The following ZBTB16 variants were observed in gnomAD, a reference collection of about 807,000 sequenced individuals.
ZBTB16 encodes zinc finger and BTB domain-containing protein 16.
ZBTB16 carries 8 observed loss-of-function variants against 56.8 expected under a neutral mutation model. That is an observed-to-expected ratio of 0.14 (90% confidence interval 0.08 to 0.25). ZBTB16 has a LOEUF of 0.25. Ranked by LOEUF, ZBTB16 falls within the 10% of genes least tolerant of loss-of-function variation. ZBTB16 has a pLI of 1.00. For missense variants in ZBTB16, 625 were observed against 903.0 expected, an observed-to-expected ratio of 0.69 and a Z score of 3.95; for synonymous variants, 363 against 368.5, an observed-to-expected ratio of 0.98 and a Z score of 0.17.
intron 4 of ZBTB16, among the ~76,000 whole-genome samples, chr11:114,236,918 G>A (rs1003864887): frequency 1.3e-5 from 2 of 152,368 alleles, no homozygotes; most frequent in Admixed American, 6.5e-5. Flanking sequence ...GAGGAAGATG[G>A]TGTTGTTGGC....
intron 3 of ZBTB16, among the ~76,000 whole-genome samples, chr11:114,162,604 A>C (rs1942621040): frequency 6.6e-6 from 1 of 152,200 alleles, no homozygotes; most frequent in Non-Finnish European, 1.5e-5. Context: ...CTCTCCAGTC[A>C]ATACCAGCTA....
At position 114,115,116 on chromosome 11, in the gene ZBTB16, C is replaced by T. The variant is rs184556694; in HGVS notation, c.1269-41221C>T. 2.6e-5 allele frequency among the ~76,000 whole-genome samples: 4 copies of T among 152,258 alleles called. No individual in the cohort carries two copies. In the East Asian group the frequency reaches 7.7e-4, roughly 29 times the overall value. ...GTTGTGTAAGGATGGAATATTGCTG[C>T]AAACCTGTATACTTCTTTAATTTCT... On this transcript the variant is annotated intron_variant, in intron 2 of 6. Coordinates refer to ENST00000335953, the MANE Select transcript of ZBTB16 (RefSeq NM_006006.6).
At chr11:114,095,240 CTTTTCT>C (rs1940340455) in intron 2 of ZBTB16, among the ~76,000 whole-genome samples, 1 of 79,348 alleles carries the variant, frequency 1.3e-5, no homozygotes, top group Non-Finnish European at 2.4e-5. Context: ...CTTTTCTTTT[CTTTTCT>C]TTTTTTTTTT....
intron 4 of ZBTB16, among the ~76,000 whole-genome samples, chr11:114,195,950 A>T (rs1046528833): frequency 2.6e-5 from 4 of 152,186 alleles, no homozygotes; most frequent in African/African-American, 9.7e-5. Context: ...GGACATTTGC[A>T]ATGTGCCCAC....
chr11:114,174,790 G>A (rs539348885), intron 3 of ZBTB16, among the ~76,000 whole-genome samples: 23 of 152,298 alleles, frequency 1.5e-4, no homozygotes, highest in African/African-American at 3.9e-4. Flanking sequence ...AGCTGTACAA[G>A]CCCTGTAGAT....
intron 4 of ZBTB16, among the ~76,000 whole-genome samples, chr11:114,224,932 A>C (rs1204021538): frequency 1.3e-5 from 2 of 152,142 alleles, no homozygotes; most frequent in African/African-American, 4.8e-5. Context: ...GGAATGATAG[A>C]AGCAGGAGTG....
intron 2 of ZBTB16, among the ~76,000 whole-genome samples, chr11:114,075,831 C>T (rs1482017447): frequency 6.6e-6 from 1 of 151,954 alleles, no homozygotes; most frequent in African/African-American, 2.4e-5. Context: ...CAGATCAAGA[C>T]CAAAAGTTTT....
intron 2 of ZBTB16, among the ~76,000 whole-genome samples, chr11:114,083,192 G>A (rs1314285586): frequency 4.6e-5 from 7 of 152,202 alleles, no homozygotes; most frequent in Non-Finnish European, 1.0e-4. Context: ...GGCTACGGGT[G>A]TTTGGTTGTT....
intron 2 of ZBTB16, among the ~76,000 whole-genome samples, chr11:114,151,783 G>C (rs997578383): frequency 6.6e-6 from 1 of 152,204 alleles, no homozygotes; most frequent in East Asian, 1.9e-4. Context: ...TTGGTCCCTG[G>C]CTGCATAGGA....
At chr11:114,163,774 C>A (rs1167229684) in intron 3 of ZBTB16, among the ~76,000 whole-genome samples, 1 of 152,222 alleles carries the variant, frequency 6.6e-6, no homozygotes, top group Non-Finnish European at 1.5e-5. Flanking sequence ...GTTCCATCTA[C>A]CCCTCTGGAT....
intron 4 of ZBTB16, among the ~76,000 whole-genome samples, chr11:114,205,576 C>T (rs754687850): frequency 3.3e-5 from 5 of 152,148 alleles, no homozygotes; most frequent in East Asian, 1.9e-4. Context: ...ATGGGACGCA[C>T]GTTCCCCTCA....
chr11:114,245,798 C>G (rs1019639547), intron 5 of ZBTB16, among the ~76,000 whole-genome samples: 4 of 152,160 alleles, frequency 2.6e-5, no homozygotes, highest in Non-Finnish European at 4.4e-5. Flanking sequence ...CAGCCCCGCA[C>G]ATCTGCAGAG....
chr11:114,148,674 T>C (rs1327644571), intron 2 of ZBTB16, among the ~76,000 whole-genome samples: 2 of 151,494 alleles, frequency 1.3e-5, no homozygotes, highest in East Asian at 3.9e-4. Context: ...TTTGTATTTT[T>C]AGTAGAGACG....
chr11:114,134,374 G>C (rs2005664), intron 2 of ZBTB16, among the ~76,000 whole-genome samples: 83,088 of 151,532 alleles, frequency 0.55, 24,650 homozygotes, highest in African/African-American at 0.79. Flanking sequence ...TTTTTCTTTT[G>C]TACTTTTTGG....
intron 3 of ZBTB16, among the ~76,000 whole-genome samples, chr11:114,159,168 G>A (rs2134967350): frequency 6.6e-6 from 1 of 152,356 alleles, no homozygotes; most frequent in South Asian, 2.1e-4. Context: ...CTGTGCAACT[G>A]CCCTGCGGAG....
At chr11:114,162,318 C>T (rs1425313225) in intron 3 of ZBTB16, among the ~76,000 whole-genome samples, 2 of 152,170 alleles carry the variant, frequency 1.3e-5, no homozygotes, top group African/African-American at 2.4e-5. Context: ...TTTTGGAGCA[C>T]TGAGCTGTGG....
intron 2 of ZBTB16, among the ~76,000 whole-genome samples, chr11:114,090,768 A>G (rs1444626423): frequency 6.6e-6 from 1 of 152,162 alleles, no homozygotes; most frequent in Non-Finnish European, 1.5e-5. Flanking sequence ...GTGTGTACCC[A>G]TGGGTTCCCT....
intron 2 of ZBTB16, among the ~76,000 whole-genome samples, chr11:114,079,429 T>C (rs1784691): frequency 0.89 from 134,776 of 152,228 alleles, 61,772 homozygotes; most frequent in Non-Finnish European, 1. Flanking sequence ...AGCAGCCAGC[T>C]GGTGAAATAA....
chr11:114,062,343 T>C (rs1011199393), intron 1 of ZBTB16, among the ~76,000 whole-genome samples: 5 of 152,226 alleles, frequency 3.3e-5, no homozygotes, highest in African/African-American at 1.2e-4. Flanking sequence ...CCTCAGGTGA[T>C]CCGCCTGCCT....
Sources: gnomAD v4.1 joint callset for allele counts (sites outside exome capture counted in the v4.1 genomes callset) on GRCh38, gnomAD v4.1.1 for gene constraint, MANE v1.5 for transcripts, NCBI Gene and HGNC (gene_info 2026-07-23, HGNC 2026-07-21) for gene names.